MSH3: variants seen among roughly 807,000 people sequenced by gnomAD.
MSH3 encodes DNA mismatch repair protein Msh3.
MSH3 carries 106 observed loss-of-function variants against 123.3 expected under a neutral mutation model. The ratio of observed to expected loss-of-function variants is 0.86; its 90% CI spans 0.73 to 1.01. The LOEUF (loss-of-function observed/expected upper bound fraction) is 1.01. MSH3 is among the 50% of genes least tolerant of loss of function. The pLI is 0.00. For synonymous variants in MSH3, 515 were observed against 481.4 expected (o/e 1.07, Z -0.91); for missense variants, 1,459 against 1,347.6 (o/e 1.08, Z -1.29).
chr5:80,858,066 A>G (rs1001905523), intron 21 of MSH3, among the ~76,000 whole-genome samples: 6 of 151,110 alleles, frequency 4.0e-5, no homozygotes, highest in Non-Finnish European at 7.4e-5. Flanking sequence ...CTTTTTTGAG[A>G]CAGGGTCTTG....
At chr5:80,690,669 G>T (rs879647543) in intron 8 of MSH3, among the ~76,000 whole-genome samples, 9 of 152,032 alleles carry the variant, frequency 5.9e-5, no homozygotes, top group African/African-American at 2.2e-4. Flanking sequence ...AACTTTAACC[G>T]TTAAGTGCTC....
At chr5:80,746,151 T>C (rs562748079) in intron 12 of MSH3, among the ~76,000 whole-genome samples, 6 of 152,314 alleles carry the variant, frequency 3.9e-5, no homozygotes, top group East Asian at 1.9e-4. Flanking sequence ...GATCATACTA[T>C]GAGAAACTCA....
At chr5:80,699,642 A>G (rs997566980) in intron 8 of MSH3, among the ~76,000 whole-genome samples, 28 of 151,430 alleles carry the variant, frequency 1.8e-4, no homozygotes, top group African/African-American at 6.8e-4. Context: ...GTCTATTTAC[A>G]TTATATAGAT....
chr5:80,820,455 A>G (rs1745186899), intron 20 of MSH3, among the ~76,000 whole-genome samples: 1 of 152,204 alleles, frequency 6.6e-6, no homozygotes, highest in South Asian at 2.1e-4. Context: ...TTATTCTTGG[A>G]TCACAGGCTC....
intron 5 of MSH3, 108 bp downstream of exon 5, chr5:80,672,468 G>A (rs1412933400): frequency 2.4e-6 from 2 of 831,664 alleles, no homozygotes; most frequent in South Asian, 1.4e-5. Context: ...TTAGAATTTT[G>A]CATTTTACAG....
chr5:80,696,980 T>C (rs766508581), intron 8 of MSH3, among the ~76,000 whole-genome samples: 7 of 152,206 alleles, frequency 4.6e-5, no homozygotes, highest in African/African-American at 7.2e-5. Flanking sequence ...TTAAGAATGT[T>C]AGTATATTTT....
At chr5:80,832,076 C>T (rs1345038278) in intron 20 of MSH3, among the ~76,000 whole-genome samples, 1 of 151,996 alleles carries the variant, frequency 6.6e-6, no homozygotes, top group Non-Finnish European at 1.5e-5. Context: ...CGCCACTGCA[C>T]TCCAGCCTGG....
Position 80,654,913 on chromosome 5 carries a change from G to GCCCCCAGCGCCCCCAGCT in MSH3, c.190_207dup (p.Pro64_Pro69dup), listed in dbSNP as rs70991168. ...CTGCAGCGGCCGCAGCGGCCGCAGC[G>GCCCCCAGCGCCCCCAGCT]CCCCCAGCGCCCCCAGCTCCCGCCT... On this transcript the variant is annotated inframe_insertion, in exon 1 of 24. Coordinates refer to ENST00000265081, the MANE Select transcript of MSH3 (RefSeq NM_002439.5). 1 of 1,499,476 alleles carries GCCCCCAGCGCCCCCAGCT rather than the reference G, an allele frequency of 6.7e-7. No individual in the cohort carries two copies. The highest frequency in any genetic ancestry group is 1.8e-5 in the African/African-American group (1 of 56,290). The allele number at this position is 1,499,476 out of a possible 1,614,324, so 92.9% of individuals were successfully genotyped here.
intron 10 of MSH3, among the ~76,000 whole-genome samples, chr5:80,736,095 G>A (rs997880068): frequency 6.6e-6 from 1 of 151,858 alleles, no homozygotes. Flanking sequence ...GCATGATGGC[G>A]GGTGCCTGTA....
At chr5:80,823,169 G>C (rs1414902715) in intron 20 of MSH3, among the ~76,000 whole-genome samples, 1 of 152,064 alleles carries the variant, frequency 6.6e-6, no homozygotes, top group South Asian at 2.1e-4. Flanking sequence ...CTAGATAGAA[G>C]GCTTATTCCA....
chr5:80,858,670 A>G (rs77974378), intron 21 of MSH3, among the ~76,000 whole-genome samples: 1 of 152,088 alleles, frequency 6.6e-6, no homozygotes, highest in Admixed American at 6.5e-5. Context: ...CTTGAGATGA[A>G]TGTGTATTCA....
At chr5:80,852,839 A>G (rs1328295439) in intron 20 of MSH3, among the ~76,000 whole-genome samples, 1 of 152,194 alleles carries the variant, frequency 6.6e-6, no homozygotes, top group African/African-American at 2.4e-5. Flanking sequence ...TGAAAGGTAC[A>G]TTATGGTGCT....
In MSH3 at chr5:80,739,108, G is replaced by A. The variant is rs115232085; in HGVS notation, c.1569-2356G>A. ...TAAACAAAGATGCCAGCTAAGCACC[G>A]TTCTAGAGTCGACGTCTGATTAGGG... On this transcript the variant is annotated intron_variant, in intron 10 of 23. Coordinates refer to ENST00000265081, the MANE Select transcript of MSH3 (RefSeq NM_002439.5). Among the ~76,000 whole-genome samples, 608 of 152,330 alleles carry A rather than the reference G, an allele frequency of 4.0e-3. 6 individuals are homozygous for A. The highest frequency in any genetic ancestry group is 0.013 in the African/African-American group (559 of 41,580).
rs574613023 is a variant in MSH3 at position 80,686,792 on chromosome 5, C to T, written c.1340+7699C>T. Among the ~76,000 whole-genome samples, 157 of 150,714 alleles carry T rather than the reference C, an allele frequency of 1.0e-3. 1 individual carries two copies. The highest frequency in any genetic ancestry group is 3.7e-3 in the African/African-American group (153 of 40,978). ...CCCCATTTTTTTCTTATGCTATATACCTAAAGGTAAAAACAGCAGTTTTTG... is the reference window on the plus strand; with the variant it reads ...CCCCATTTTTTTCTTATGCTATATATCTAAAGGTAAAAACAGCAGTTTTTG... On this transcript the variant is annotated intron_variant, in intron 8 of 23. Coordinates refer to ENST00000265081, the MANE Select transcript of MSH3 (RefSeq NM_002439.5).
At chr5:80,752,769 G>A (rs1743859686) in intron 12 of MSH3, among the ~76,000 whole-genome samples, 1 of 152,044 alleles carries the variant, frequency 6.6e-6, no homozygotes, top group Non-Finnish European at 1.5e-5. Flanking sequence ...AGTAGGGAAA[G>A]GGAAAATAAA....
chr5:80,658,982 C>G (rs1749361365), intron 2 of MSH3, among the ~76,000 whole-genome samples: 1 of 152,030 alleles, frequency 6.6e-6, no homozygotes, highest in South Asian at 2.1e-4. Context: ...GCCTGTAATC[C>G]CAGCACTTTG....
intron 3 of MSH3, 84 bp from the exon 4 acceptor site, chr5:80,670,013 T>G: frequency 2.3e-6 from 3 of 1,282,286 alleles, no homozygotes; most frequent in South Asian, 1.3e-5. Flanking sequence ...GTGTTAGCTT[T>G]TTGCCAGATT....
intron 21 of MSH3, 127 bp from the exon 22 acceptor site, chr5:80,864,686 T>C (rs1746069681): frequency 1.3e-6 from 1 of 767,974 alleles, no homozygotes; most frequent in South Asian, 1.7e-5. Context: ...TATATAATAA[T>C]TGGTCGTTGT....
intron 21 of MSH3, among the ~76,000 whole-genome samples, chr5:80,862,107 G>A (rs952334276): frequency 6.6e-6 from 1 of 152,184 alleles, no homozygotes; most frequent in Admixed American, 6.5e-5. Context: ...GCTGCAGGCC[G>A]AGAACAGCCT....
Sources: allele counts gnomAD v4.1 joint callset (sites outside exome capture counted in the v4.1 genomes callset), GRCh38; gene constraint gnomAD v4.1.1; transcripts MANE v1.5; gene names NCBI Gene and HGNC (gene_info 2026-07-23, HGNC 2026-07-21).